DLGAP5: variants seen among roughly 807,000 people sequenced by gnomAD.
DLGAP5 encodes the protein DLG associated protein 5, also known as disks large-associated protein 5.
In DLGAP5, 90 loss-of-function variants were observed where a neutral mutation model predicts 99.6. The observed-to-expected ratio is 0.90, with a 90% CI of 0.76 to 1.08. The LOEUF (loss-of-function observed/expected upper bound fraction) is 1.08. DLGAP5 is among the 50% of genes least tolerant of loss of function. The pLI is 0.00. For synonymous variants in DLGAP5, 311 were observed against 321.3 expected (o/e 0.97, Z 0.34); for missense variants, 1,036 against 983.5 (o/e 1.05, Z -0.71).
At chr14:55,164,694 G>C (rs1479347904) in intron 12 of DLGAP5, among the ~76,000 whole-genome samples, 1 of 152,096 alleles carries the variant, frequency 6.6e-6, no homozygotes, top group Non-Finnish European at 1.5e-5. Context: ...GGCAGAGGCA[G>C]GTGGATCACT....
chr14:55,175,117 G>T (rs1883012648), intron 10 of DLGAP5, among the ~76,000 whole-genome samples: 1 of 152,152 alleles, frequency 6.6e-6, no homozygotes, highest in African/African-American at 2.4e-5. Flanking sequence ...CAAACTATGT[G>T]GTTGGGTCAC....
At chr14:55,167,596 CTCTTT>C (rs551784211) in intron 12 of DLGAP5, among the ~76,000 whole-genome samples, 22 of 152,262 alleles carry the variant, frequency 1.4e-4, no homozygotes, top group African/African-American at 5.1e-4. Flanking sequence ...GCCCACTCTC[CTCTTT>C]TCTTGGGTAA....
chr14:55,170,864 A>G, intron 10 of DLGAP5, 77 bp from the exon 11 acceptor site: 1 of 1,010,426 alleles, frequency 9.9e-7, no homozygotes, highest in South Asian at 1.4e-5. Context: ...ACATCATGAT[A>G]CATAACATTA....
intron 2 of DLGAP5, among the ~76,000 whole-genome samples, chr14:55,184,862 C>T (rs142817760): frequency 3.0e-3 from 464 of 152,292 alleles, no homozygotes; most frequent in African/African-American, 0.011. Context: ...CAGAATCACC[C>T]AGCTCAGCCA....
chr14:55,160,486 C>T (rs1023026517), intron 13 of DLGAP5, among the ~76,000 whole-genome samples: 1 of 151,602 alleles, frequency 6.6e-6, no homozygotes, highest in Non-Finnish European at 1.5e-5. Flanking sequence ...CTTGATGTGT[C>T]GCCCAGGCTG....
At chr14:55,152,709 T>A (rs1237835027) in intron 15 of DLGAP5, 62 bp from the exon 16 acceptor site, 3 of 1,400,968 alleles carry the variant, frequency 2.1e-6, no homozygotes, top group African/African-American at 1.4e-5. Flanking sequence ...CACTTGTATT[T>A]TGAGTCTTTC....
intron 2 of DLGAP5, among the ~76,000 whole-genome samples, chr14:55,185,286 G>C (rs1883395260): frequency 2.0e-5 from 3 of 152,138 alleles, no homozygotes; most frequent in Non-Finnish European, 2.9e-5. Context: ...TGCATCCTCG[G>C]CCTCCCGGGT....
chr14:55,165,684 T>C (rs1882616392), intron 12 of DLGAP5, among the ~76,000 whole-genome samples: 1 of 152,230 alleles, frequency 6.6e-6, no homozygotes, highest in African/African-American at 2.4e-5. Flanking sequence ...ATATATGTTT[T>C]TTCCTATTCA....
At position 55,175,429 on chromosome 14, in the gene DLGAP5, A is replaced by G. The variant is rs1883026880; in HGVS notation, c.1218T>C (p.Asn406=). 6.5e-7 allele frequency: 1 copy of G among 1,530,742 alleles called. No homozygotes were observed. The allele number at this position is 1,530,742 out of a possible 1,614,324, so 94.8% of individuals were successfully genotyped here. A position where few individuals can be genotyped will look rare whatever the true frequency, so the allele number is the denominator to read the frequency against. The change falls in exon 10 of 19, where the codon AAT becomes AAC. Residue 406 remains asparagine (N), a synonymous_variant. Coordinates refer to ENST00000247191, the MANE Select transcript of DLGAP5 (RefSeq NM_014750.5). ...NKNEATTKNL[N]GLPIKEVPSL... ...ATGGGACTTCTTTTATTGGAAGGCC[A>G]TTTAAATTTTTAGTAGTAGCTTCAT...
At chr14:55,190,563 A>C (rs913200203) in intron 1 of DLGAP5, among the ~76,000 whole-genome samples, 3 of 152,172 alleles carry the variant, frequency 2.0e-5, no homozygotes, top group Non-Finnish European at 2.9e-5. Flanking sequence ...AAAAAAAGGT[A>C]AGGGGGAGGC....
chr14:55,165,084 A>T (rs1326510107), intron 12 of DLGAP5, among the ~76,000 whole-genome samples: 2 of 152,200 alleles, frequency 1.3e-5, no homozygotes, highest in African/African-American at 4.8e-5. Context: ...TACATAAAGA[A>T]TACTTAAAAC....
rs929923082 is a variant in DLGAP5 at position 55,176,117 on chromosome 14, T to C, written c.1050-99A>G. Reference sequence around the variant, plus strand: ...TGTCACTTGTAGATCTGGGCTAAAATAGAAATGTTTCTATTTTTTTAAAAT... The same window carrying C: ...TGTCACTTGTAGATCTGGGCTAAAACAGAAATGTTTCTATTTTTTTAAAAT... On this transcript the variant is annotated intron_variant, in intron 8 of 18. Coordinates refer to ENST00000247191, the MANE Select transcript of DLGAP5 (RefSeq NM_014750.5). 4.6e-6 allele frequency: 5 copies of C among 1,076,338 alleles called. No individual in the cohort carries two copies. The South Asian group carries it at 9.2e-5, about 20-fold the overall frequency. 66.7% of individuals were successfully genotyped at this position (1,076,338 alleles called of 1,614,324 possible).
chr14:55,160,649 C>G (rs921007932), intron 13 of DLGAP5, among the ~76,000 whole-genome samples: 2 of 151,854 alleles, frequency 1.3e-5, no homozygotes, highest in African/African-American at 4.8e-5. Context: ...GTACACCATG[C>G]TGGCCAGGCT....
intron 11 of DLGAP5, among the ~76,000 whole-genome samples, chr14:55,170,453 G>A (rs1292595914): frequency 6.6e-6 from 1 of 152,132 alleles, no homozygotes; most frequent in East Asian, 1.9e-4. Flanking sequence ...AGGAACGACA[G>A]TCAATATTCT....
chr14:55,189,790 T>G (rs1357889437), intron 1 of DLGAP5, among the ~76,000 whole-genome samples: 1 of 150,776 alleles, frequency 6.6e-6, no homozygotes, highest in African/African-American at 2.4e-5. Context: ...AACACAGGTG[T>G]TTTTTTTTGG....
intron 12 of DLGAP5, 33 bp from the exon 13 acceptor site, chr14:55,163,108 G>A (rs756866741): frequency 1.1e-5 from 15 of 1,354,452 alleles, no homozygotes; most frequent in Admixed American, 2.1e-5. Flanking sequence ...CCAGATTAAT[G>A]CTAGCCATAT....
At chr14:55,176,074 T>C (rs535848859) in intron 8 of DLGAP5, 56 bp from the exon 9 acceptor site, 9 of 1,449,354 alleles carry the variant, frequency 6.2e-6, no homozygotes, top group East Asian at 4.6e-5. Context: ...ATATCTAATA[T>C]AAAGGGTTTC....
chr14:55,155,469 C>A (rs1047241096), intron 14 of DLGAP5, among the ~76,000 whole-genome samples: 5 of 150,944 alleles, frequency 3.3e-5, no homozygotes, highest in African/African-American at 1.2e-4. Flanking sequence ...GCCTCAGCCT[C>A]CCGAGTAGCT....
At position 55,152,013 on chromosome 14, in the gene DLGAP5, C is replaced by T. The variant is rs535199822; in HGVS notation, c.2122-72G>A. On this transcript the variant is annotated intron_variant, in intron 16 of 18. Transcript: ENST00000247191. ...GGAACAAATTTTAAAAGTCTTGTTG[C>T]TATTAAATACAAGAAAAACAGAAGG... 10 of 1,442,424 alleles carry T rather than the reference C, an allele frequency of 6.9e-6. No individual in the cohort carries two copies. The African/African-American group carries it at 8.6e-5, about 12-fold the overall frequency. The allele number at this position is 1,442,424 out of a possible 1,614,324, so 89.4% of individuals were successfully genotyped here. A position where few individuals can be genotyped will look rare whatever the true frequency, so the allele number is the denominator to read the frequency against.
Sources: allele counts gnomAD v4.1 joint callset (sites outside exome capture counted in the v4.1 genomes callset), GRCh38; gene constraint gnomAD v4.1.1; transcripts MANE v1.5; gene names NCBI Gene and HGNC (gene_info 2026-07-23, HGNC 2026-07-21).